RXRG: variants seen among roughly 807,000 people sequenced by gnomAD.
RXRG encodes the protein retinoic acid receptor RXR-gamma.
In RXRG, 19 loss-of-function variants were observed where a neutral mutation model predicts 49.2. The observed-to-expected ratio is 0.39, with a 90% confidence interval of 0.27 to 0.57. The LOEUF (loss-of-function observed/expected upper bound fraction) is 0.57, where lower values mean the gene tolerates loss of function less well. RXRG is among the 20% of genes least tolerant of loss of function. RXRG has a pLI of 0.64. For synonymous variants in RXRG, 224 were observed against 216.6 expected, an observed-to-expected ratio of 1.03 and a Z score of -0.30; for missense variants, 452 against 592.5, an observed-to-expected ratio of 0.76 and a Z score of 2.46.
At chr1:165,422,357 G>A (rs1348208418) in intron 2 of RXRG, among the ~76,000 whole-genome samples, 1 of 152,202 alleles carries the variant, frequency 6.6e-6, no homozygotes, top group Non-Finnish European at 1.5e-5. Flanking sequence ...GATCCAAAAC[G>A]GAAGGAGATG....
At position 165,433,574 on chromosome 1, in the gene RXRG, G is replaced by T. The variant is rs1019771757; in HGVS notation, c.50-4608C>A. 2.6e-5 allele frequency among the ~76,000 whole-genome samples: 4 copies of T among 152,180 alleles called. No homozygotes were observed. The East Asian group carries it at 5.8e-4, about 22-fold the overall frequency. ...AAAGCGCTAGTGGAGTTCCTCAAAA[G>T]GTTTTCTTCTCTCCTGGTAACATAC... On this transcript the variant is annotated intron_variant, in intron 1 of 9. Transcript: ENST00000359842.
intron 2 of RXRG, chr1:165,425,073 C>A: frequency 5.4e-6 from 2 of 369,170 alleles, no homozygotes; most frequent in Non-Finnish European, 7.5e-6. Context: ...TGGCCAGGAC[C>A]AAAGCTTCCA....
At chr1:165,422,219 A>C (rs1367139910) in intron 2 of RXRG, among the ~76,000 whole-genome samples, 1 of 152,240 alleles carries the variant, frequency 6.6e-6, no homozygotes, top group East Asian at 1.9e-4. Context: ...CCATCTATGG[A>C]AAGCTTGCTC....
intron 1 of RXRG, among the ~76,000 whole-genome samples, chr1:165,434,292 G>GTGTGTGTGTGTGTC (rs1557925445): frequency 1.3e-5 from 2 of 151,848 alleles, no homozygotes; most frequent in African/African-American, 4.8e-5. Flanking sequence ...GTGTGTGTGT[G>GTGTGTGTGTGTGTC]TGTGTGTGTG....
At chr1:165,424,809 C>T (rs1041539960) in intron 2 of RXRG, 111 of 985,364 alleles carry the variant, frequency 1.1e-4, no homozygotes, top group Non-Finnish European at 1.3e-4. Flanking sequence ...CAGACCAGTC[C>T]TGGGTGAGGA....
chr1:165,426,352 A>G (rs966529699), intron 2 of RXRG, among the ~76,000 whole-genome samples: 1 of 152,206 alleles, frequency 6.6e-6, no homozygotes, highest in Non-Finnish European at 1.5e-5. Flanking sequence ...TTGAGGGAGC[A>G]GGGCAGCTCT....
At chr1:165,441,037 G>A (rs542693455) in intron 1 of RXRG, among the ~76,000 whole-genome samples, 27 of 152,336 alleles carry the variant, frequency 1.8e-4, no homozygotes, top group African/African-American at 6.3e-4. Flanking sequence ...ATCTGTGGAG[G>A]GGAAAAATAT....
chr1:165,401,027 C>A lies in RXRG; in HGVS notation c.*236G>T. The stretch of plus-strand genomic sequence containing the variant: ...TGTACAGAGGCTTGATTAGTTTTCC[C>A]AAGAACTTCCAGAAAGTCTCCCAGC... On this transcript the variant is annotated 3_prime_UTR_variant, in exon 10 of 10. Transcript: ENST00000359842. 1 of 465,414 alleles carries A rather than the reference C, an allele frequency of 2.1e-6. No individual in the cohort carries two copies. The highest frequency in any genetic ancestry group is 3.8e-6 in the Non-Finnish European group (1 of 266,016). 28.8% of individuals were successfully genotyped at this position (465,414 alleles called of 1,614,324 possible).
At chr1:165,404,554 TAATTGAATA>T (rs1392933242) in intron 9 of RXRG, among the ~76,000 whole-genome samples, 2 of 152,230 alleles carry the variant, frequency 1.3e-5, no homozygotes, top group Non-Finnish European at 2.9e-5. Context: ...TAGTTGTCAG[TAATTGAATA>T]AAATTTCTAG....
intron 9 of RXRG, among the ~76,000 whole-genome samples, chr1:165,402,492 G>A (rs1657611740): frequency 6.6e-6 from 1 of 152,128 alleles, no homozygotes; most frequent in South Asian, 2.1e-4. Flanking sequence ...GTCTGTTTGG[G>A]GAGAGGATAC....
chr1:165,441,383 AC>A (rs1658998994), intron 1 of RXRG, among the ~76,000 whole-genome samples: 1 of 152,206 alleles, frequency 6.6e-6, no homozygotes, highest in Admixed American at 6.5e-5. Flanking sequence ...TTGCAGAGCA[AC>A]TGTGTCACTC....
chr1:165,441,750 T>C (rs1571293099), intron 1 of RXRG, among the ~76,000 whole-genome samples: 1 of 152,176 alleles, frequency 6.6e-6, no homozygotes, highest in East Asian at 1.9e-4. Context: ...AGGCTTTGTT[T>C]TGCCATCTTC....
intron 1 of RXRG, among the ~76,000 whole-genome samples, chr1:165,441,937 AG>A (rs1659019734): frequency 6.6e-6 from 1 of 152,196 alleles, no homozygotes; most frequent in Non-Finnish European, 1.5e-5. Flanking sequence ...CACTTTGGCC[AG>A]TTTGAGCAAT....
chr1:165,410,973 A>G lies in RXRG; in HGVS notation c.759T>C (p.Tyr253=), dbSNP rs1348623426. 3.7e-6 allele frequency: 6 copies of G among 1,614,064 alleles called. No individual in the cohort carries two copies. The South Asian group carries it at 4.4e-5, about 12-fold the overall frequency. ...ELAVEPKTES[Y]GDMNMENSTN... is the part of the protein sequence containing the mutation. ...CCGAGTTCTCCATATTCATGTCACC[A>G]TAGGATTCTGTCTTTGGTTCAACAG... The change falls in exon 5 of 10, where the codon TAT becomes TAC. Residue 253 remains tyrosine, a synonymous_variant. Transcript: ENST00000359842.
chr1:165,416,630 G>T (rs545838343), intron 4 of RXRG, among the ~76,000 whole-genome samples: 1 of 152,318 alleles, frequency 6.6e-6, no homozygotes, highest in African/African-American at 2.4e-5. Flanking sequence ...CACCCTGAAG[G>T]TCAGTCTGAC....
chr1:165,417,272 C>G, intron 3 of RXRG, 52 bp from the exon 4 acceptor site: 2 of 1,512,654 alleles, frequency 1.3e-6, no homozygotes, highest in East Asian at 4.6e-5. Context: ...TTATTTGGAT[C>G]TTTCATTCAA....
chr1:165,433,042 T>A (rs1571285879), intron 1 of RXRG, among the ~76,000 whole-genome samples: 1 of 152,248 alleles, frequency 6.6e-6, no homozygotes, highest in East Asian at 1.9e-4. Flanking sequence ...AGAGAGGACT[T>A]CAGTGAACTA....
At chr1:165,409,795 T>C in intron 6 of RXRG, 105 bp from the exon 7 acceptor site, 1 of 1,094,466 alleles carries the variant, frequency 9.1e-7, no homozygotes, top group East Asian at 3.2e-5. Flanking sequence ...CAAGCAGAAT[T>C]GACAATCTAG....
At chr1:165,401,970 G>A (rs1361457834) in intron 9 of RXRG, among the ~76,000 whole-genome samples, 1 of 152,216 alleles carries the variant, frequency 6.6e-6, no homozygotes, top group Admixed American at 6.5e-5. Flanking sequence ...TTGGACCTGA[G>A]TACCTAGGCT....
Sources: allele counts gnomAD v4.1 joint callset (sites outside exome capture counted in the v4.1 genomes callset), GRCh38; gene constraint gnomAD v4.1.1; transcripts MANE v1.5; gene names NCBI Gene and HGNC (gene_info 2026-07-23, HGNC 2026-07-21).